Variants in CCDC125 observed in about 807,000 individuals in gnomAD.
CCDC125 encodes coiled-coil domain-containing protein 125.
A neutral mutation model predicts 57.4 loss-of-function variants in CCDC125; 43 were observed. The ratio of observed to expected loss-of-function variants is 0.75; its 90% confidence interval spans 0.59 to 0.97. The LOEUF (loss-of-function observed/expected upper bound fraction) is 0.97. CCDC125 is among the 50% of genes least tolerant of loss of function. CCDC125 has a pLI of 0.00. For synonymous variants in CCDC125, 187 were observed against 195.2 expected, an observed-to-expected ratio of 0.96 and a Z score of 0.35; for missense variants, 563 against 595.7, an observed-to-expected ratio of 0.95 and a Z score of 0.57.
At chr5:69,321,278 G>T (rs1288989161) in intron 1 of CCDC125, among the ~76,000 whole-genome samples, 1 of 151,690 alleles carries the variant, frequency 6.6e-6, no homozygotes, top group Non-Finnish European at 1.5e-5. Context: ...ACATCACTTT[G>T]TACCTCATAA....
chr5:69,322,570 AT>A (rs970465587), intron 1 of CCDC125, among the ~76,000 whole-genome samples: 27 of 145,906 alleles, frequency 1.9e-4, no homozygotes, highest in East Asian at 4.2e-4. Context: ...CAAAAAAAAA[AT>A]TTTTTTTTTT....
chr5:69,284,585 C>T (rs1276656068), intron 11 of CCDC125, among the ~76,000 whole-genome samples: 3 of 151,888 alleles, frequency 2.0e-5, no homozygotes, highest in East Asian at 3.9e-4. Context: ...ATATGAATGA[C>T]GAGAAAAGAT....
chr5:69,289,059 C>T (rs987023806), intron 10 of CCDC125, among the ~76,000 whole-genome samples: 8 of 152,196 alleles, frequency 5.3e-5, no homozygotes, highest in African/African-American at 1.7e-4. Context: ...TTTGTCTACA[C>T]TGCACTATCC....
Position 69,320,488 on chromosome 5 carries a change from G to A in CCDC125, c.53C>T (p.Thr18Ile), listed in dbSNP as rs778379533. 8.1e-6 allele frequency: 13 copies of A among 1,613,372 alleles called. No individual in the cohort carries two copies. Among genetic ancestry groups the A allele is most frequent in the Non-Finnish European group, 4.2e-6 (5 of 1,179,666 alleles). Residue 18 changes from threonine (T) to isoleucine (I), a missense_variant, in exon 2 of 12, where the codon ACA becomes ATA. By Grantham distance (89) the Thr-to-Ile change is moderately conservative (BLOSUM62 -1). Transcript: ENST00000396496. Reference sequence around the variant, plus strand: ...ACCTTCTGTCATGTCATCCTCTTCTGTTTCCCAGAGCTGCACGTCTGACTC... The same window carrying A: ...ACCTTCTGTCATGTCATCCTCTTCTATTTCCCAGAGCTGCACGTCTGACTC... ...SSESDVQLWE[T>I]EEDDMTEGDL...
intron 1 of CCDC125, among the ~76,000 whole-genome samples, chr5:69,332,101 C>T (rs954800222): frequency 6.6e-5 from 10 of 152,262 alleles, no homozygotes; most frequent in African/African-American, 2.4e-4. Flanking sequence ...GTTGGTCAAA[C>T]ATGCCTAACT....
At chr5:69,322,758 T>C (rs369333257) in intron 1 of CCDC125, among the ~76,000 whole-genome samples, 14 of 151,122 alleles carry the variant, frequency 9.3e-5, no homozygotes, top group African/African-American at 3.4e-4. Context: ...AGACGGGGTT[T>C]CACCATGTTG....
intron 11 of CCDC125, 24 bp downstream of exon 11, chr5:69,285,313 G>A (rs1753154739): frequency 6.2e-7 from 1 of 1,607,948 alleles, no homozygotes; most frequent in African/African-American, 1.3e-5. Context: ...ACCATAACCT[G>A]CAAAAAAAAG....
chr5:69,318,529 G>A (rs1759491778), intron 2 of CCDC125, among the ~76,000 whole-genome samples: 1 of 150,646 alleles, frequency 6.6e-6, no homozygotes. Context: ...GATCACTTGA[G>A]GTCAGGAGTT....
chr5:69,282,698 A>G lies in CCDC125; in HGVS notation c.*31T>C, dbSNP rs1008030732. The G allele has an allele frequency of 1.3e-6, 2 of 1,512,208 alleles. No individual in the cohort carries two copies. Among genetic ancestry groups the G allele is most frequent in the African/African-American group, 2.8e-5 (2 of 71,366 alleles). The allele number at this position is 1,512,208 out of a possible 1,614,324, so 93.7% of individuals were successfully genotyped here. A position where few individuals can be genotyped will look rare whatever the true frequency, so the allele number is the denominator to read the frequency against. On this transcript the variant is annotated 3_prime_UTR_variant, in exon 12 of 12. Transcript: ENST00000396496. ...TTTTCAAAGTATCTCGATATAAACA[A>G]CTCTCAGTTCCAATTTCAACTGGCT...
At chr5:69,308,156 C>G in intron 4 of CCDC125, 128 bp from the exon 5 acceptor site, 1 of 698,004 alleles carries the variant, frequency 1.4e-6, no homozygotes, top group Non-Finnish European at 2.5e-6. Flanking sequence ...TTCACAGTGA[C>G]CACCTTTTAT....
At chr5:69,315,450 C>CAAAAAAAAAAAA (rs1359288696) in intron 2 of CCDC125, among the ~76,000 whole-genome samples, 4 of 4,868 alleles carry the variant, frequency 8.2e-4, no homozygotes, top group Non-Finnish European at 1.2e-3. Flanking sequence ...AAAAAAAAAA[C>CAAAAAAAAAAAA]AAAAAAAAAA....
intron 1 of CCDC125, among the ~76,000 whole-genome samples, chr5:69,322,010 A>AT (rs564085259): frequency 0.034 from 5,024 of 146,890 alleles, 243 homozygotes; most frequent in African/African-American, 0.11. Context: ...CTAATTTTCT[A>AT]TTTTTTTTTT....
intron 8 of CCDC125, among the ~76,000 whole-genome samples, chr5:69,295,270 A>G (rs1755124998): frequency 6.6e-6 from 1 of 152,184 alleles, no homozygotes; most frequent in Admixed American, 6.5e-5. Flanking sequence ...TTCCTGTAAC[A>G]GTGTGGCCCT....
intron 8 of CCDC125, among the ~76,000 whole-genome samples, chr5:69,298,928 C>T (rs1489653647): frequency 6.6e-6 from 1 of 152,182 alleles, no homozygotes; most frequent in Non-Finnish European, 1.5e-5. Flanking sequence ...AATTACCTAA[C>T]CCCGCAATGC....
intron 7 of CCDC125, among the ~76,000 whole-genome samples, chr5:69,301,469 A>AT (rs540175343): frequency 2.7e-5 from 4 of 150,034 alleles, no homozygotes; most frequent in Non-Finnish European, 5.9e-5. Context: ...GTCTACAAAA[A>AT]TTTTTTTTTT....
intron 1 of CCDC125, among the ~76,000 whole-genome samples, chr5:69,331,328 G>A (rs1253886201): frequency 2.0e-5 from 3 of 151,750 alleles, no homozygotes; most frequent in Non-Finnish European, 4.4e-5. Context: ...GACCTCCTGG[G>A]TTCAAGCGAT....
downstream of CCDC125, among the ~76,000 whole-genome samples, chr5:69,278,702 CCT>C (rs1491535294): frequency 1.2e-4 from 12 of 104,142 alleles, no homozygotes; most frequent in African/African-American, 4.1e-4. Context: ...ATCTCTCTCT[CCT>C]TTTTTTTTTT....
chr5:69,305,619 T>C (rs1757209024), intron 6 of CCDC125, among the ~76,000 whole-genome samples: 1 of 152,176 alleles, frequency 6.6e-6, no homozygotes, highest in Non-Finnish European at 1.5e-5. Context: ...GCCAGAAGGT[T>C]TGCTGAGGGC....
intron 1 of CCDC125, among the ~76,000 whole-genome samples, chr5:69,324,897 T>C (rs938942775): frequency 1.3e-5 from 2 of 152,114 alleles, no homozygotes; most frequent in African/African-American, 2.4e-5. Flanking sequence ...TATGAAATAC[T>C]GGGAAAACTA....
Sources: gnomAD v4.1 joint callset for allele counts (sites outside exome capture counted in the v4.1 genomes callset) on GRCh38, gnomAD v4.1.1 for gene constraint, MANE v1.5 for transcripts, NCBI Gene and HGNC (gene_info 2026-07-23, HGNC 2026-07-21) for gene names.